The following EMX1 variants were observed in gnomAD, a reference collection of about 807,000 sequenced individuals.
EMX1 encodes empty spiracles homeobox 1, also known as homeobox protein EMX1.
A neutral mutation model predicts 20.1 loss-of-function variants in EMX1; 10 were observed. The ratio of observed to expected loss-of-function variants is 0.50; its 90% CI spans 0.31 to 0.84. The LOEUF is 0.84. EMX1 is among the 40% of genes least tolerant of loss of function. EMX1 has a pLI of 0.05. For synonymous variants in EMX1, 250 were observed against 200.4 expected (o/e 1.25, Z -2.09); for missense variants, 424 against 431.9 (o/e 0.98, Z 0.16).
At chr2:72,929,439 G>A (rs762877282) in intron 2 of EMX1, among the ~76,000 whole-genome samples, 7 of 152,202 alleles carry the variant, frequency 4.6e-5, no homozygotes, top group Non-Finnish European at 7.3e-5. Flanking sequence ...TGAGGTGAAG[G>A]TTGAACTTAG....
rs577424034 is a variant in EMX1, at chr2:72,931,840, G to A, written c.706-1947G>A. On this transcript the variant is annotated intron_variant, in intron 2 of 2. Transcript: ENST00000258106. ...GAATGCCAGCTGCCCCCATCCCCAT[G>A]CCAGTGCTCTAAAATCAGTGCTCTC... Among the ~76,000 whole-genome samples, 6 of 152,348 alleles carry A rather than the reference G, an allele frequency of 3.9e-5. No homozygotes were observed. In the South Asian group the frequency reaches 1.2e-3, roughly 32 times the overall value.
upstream of EMX1, chr2:72,916,520 T>C (rs1670964705): frequency 8.4e-6 from 5 of 597,724 alleles, no homozygotes; most frequent in South Asian, 2.0e-5. Context: ...GAGTCCCGGC[T>C]CTCACAGCCT....
At chr2:72,925,982 TAATAA>T (rs1281389911) in intron 2 of EMX1, 4 of 985,214 alleles carry the variant, frequency 4.1e-6, no homozygotes, top group South Asian at 4.7e-5. Flanking sequence ...AAAAATAAGT[TAATAA>T]AATAACACTC....
chr2:72,923,758 T>G (rs1281067314), intron 1 of EMX1: 2 of 186,370 alleles, frequency 1.1e-5, no homozygotes, highest in Non-Finnish European at 2.3e-5. Context: ...CTTCTAGTTC[T>G]TGAATCTGTG....
At chr2:72,925,096 C>G (rs1300849872) in intron 2 of EMX1, among the ~76,000 whole-genome samples, 7 of 152,180 alleles carry the variant, frequency 4.6e-5, no homozygotes, top group Admixed American at 1.3e-4. Flanking sequence ...TCTGATCCGG[C>G]CCAGGCCGGC....
intron 2 of EMX1, among the ~76,000 whole-genome samples, chr2:72,928,533 G>A (rs1671239161): frequency 6.6e-6 from 1 of 152,140 alleles, no homozygotes; most frequent in Non-Finnish European, 1.5e-5. Context: ...TAGTTTTAGG[G>A]GGAGTGAGAG....
intron 2 of EMX1, chr2:72,926,460 A>G (rs1263929604): frequency 6.0e-6 from 2 of 335,628 alleles, no homozygotes; most frequent in Non-Finnish European, 8.5e-6. Flanking sequence ...ATGGTACAAC[A>G]AAAAGAATGA....
At chr2:72,928,569 T>A (rs1671239882) in intron 2 of EMX1, among the ~76,000 whole-genome samples, 1 of 152,194 alleles carries the variant, frequency 6.6e-6, no homozygotes, top group African/African-American at 2.4e-5. Context: ...TCCAGGCTGA[T>A]CAACTGGTCA....
intron 1 of EMX1, among the ~76,000 whole-genome samples, chr2:72,922,976 T>G (rs1167673997): frequency 6.6e-6 from 1 of 152,224 alleles, no homozygotes; most frequent in African/African-American, 2.4e-5. Flanking sequence ...TTTTGGTGCA[T>G]CAGGAGGCTG....
chr2:72,919,324 A>T lies in EMX1; in HGVS notation c.520+952A>T, dbSNP rs553619261. Among the ~76,000 whole-genome samples the T allele has an allele frequency of 4.7e-3, 711 of 149,824 alleles. 7 individuals are homozygous for T. The highest frequency in any genetic ancestry group is 0.016 in the African/African-American group (662 of 40,658). ...TTGTTTTTTTCTTTTCTTTTTTTTT[A>T]AATTTTATTTTAAAGAGTGGCCTTG... On this transcript the variant is annotated intron_variant, in intron 1 of 2. Transcript: ENST00000258106.
chr2:72,924,607 A>C, intron 2 of EMX1, 114 bp downstream of exon 2: 5 of 1,269,016 alleles, frequency 3.9e-6, no homozygotes, highest in Non-Finnish European at 5.3e-6. Flanking sequence ...TGGGTTCCAA[A>C]AGGCCCCCAT....
chr2:72,916,549 G>A, upstream of EMX1: 1 of 612,198 alleles, frequency 1.6e-6, no homozygotes, highest in East Asian at 2.7e-5. Context: ...AACTGCCCCC[G>A]GGGAATTCGT....
At position 72,917,926 on chromosome 2, in the gene EMX1, C is replaced by G; in HGVS notation, c.74C>G (p.Pro25Arg). 2 of 1,485,432 alleles carry G rather than the reference C, an allele frequency of 1.3e-6. No individual in the cohort carries two copies. Among genetic ancestry groups the G allele is most frequent in the Non-Finnish European group, 8.9e-7 (1 of 1,125,592 alleles). 92.0% of individuals were successfully genotyped at this position (1,485,432 alleles called of 1,614,324 possible). A position where few individuals can be genotyped will look rare whatever the true frequency, so the allele number is the denominator to read the frequency against. The change falls in exon 1 of 3, where the codon CCT (proline) becomes CGT (arginine). Residue 25 changes from proline to arginine, a missense_variant. Physicochemically the swap from Pro to Arg is moderately radical, Grantham distance 103. This residue lies in a region of EMX1 where 333 missense variants were observed against 296.6 expected (regional missense o/e 1.12). Coordinates refer to ENST00000258106, the MANE Select transcript of EMX1 (RefSeq NM_004097.3). Reference sequence around the variant, plus strand: ...GGAGCGCTCCCCAGAGCCCGGCTGCCTCGCACAGCTCCCGCGGCTGCGACC... The same window carrying G: ...GGAGCGCTCCCCAGAGCCCGGCTGCGTCGCACAGCTCCCGCGGCTGCGACC... ...GRGALPRARL[P>R]RTAPAAATMF...
rs1671266774 is a variant in EMX1, at chr2:72,930,691, T to C, written c.706-3096T>C. 6.6e-6 allele frequency among the ~76,000 whole-genome samples: 1 copy of C among 152,182 alleles called. No individual in the cohort carries two copies. On this transcript the variant is annotated intron_variant, in intron 2 of 2. Transcript: ENST00000258106. This position sits in a 1 kb window ranked among gnomAD's most constrained non-coding sequence, Gnocchi z 4.4. ...ACCCAGCTCCTTTCCAGGGCCTGTTTTCTCTAGGGAAGGGGCTCTGAAGGA... is the reference window on the plus strand; with the variant it reads ...ACCCAGCTCCTTTCCAGGGCCTGTTCTCTCTAGGGAAGGGGCTCTGAAGGA...
chr2:72,916,366 C>G (rs1670961613), upstream of EMX1: 1 of 390,470 alleles, frequency 2.6e-6, no homozygotes, highest in Non-Finnish European at 4.7e-6. Context: ...CCGGCAGCGG[C>G]GAGGAAGCGG....
intron 1 of EMX1, among the ~76,000 whole-genome samples, chr2:72,921,186 TC>T (rs1200981615): frequency 6.6e-6 from 1 of 152,190 alleles, no homozygotes; most frequent in Non-Finnish European, 1.5e-5. Flanking sequence ...TTGTGCTAGT[TC>T]CCAGCCATTG....
Position 72,918,125 on chromosome 2 carries a change from C to G in EMX1, c.273C>G (p.Ala91=). The part of the protein sequence containing the change: ...TALNYPHPSA[A]EAAFVSGFPA... ...TCAACTACCCTCACCCCAGCGCGGC[C>G]GAGGCGGCCTTCGTGAGTGGCTTCC... Residue 91 remains alanine (A), a synonymous_variant, in exon 1 of 3, where the codon GCC becomes GCG. Transcript: ENST00000258106. The G allele has an allele frequency of 1.3e-6, 2 of 1,484,520 alleles. No individual in the cohort carries two copies. Among genetic ancestry groups the G allele is most frequent in the African/African-American group, 1.5e-5 (1 of 68,272 alleles). The allele number at this position is 1,484,520 out of a possible 1,614,324, so 92.0% of individuals were successfully genotyped here.
At chr2:72,928,169 G>A (rs1352080076) in intron 2 of EMX1, among the ~76,000 whole-genome samples, 1 of 152,210 alleles carries the variant, frequency 6.6e-6, no homozygotes, top group Non-Finnish European at 1.5e-5. Flanking sequence ...TGAGGGAAGA[G>A]CCCTGGGCAA....
intron 1 of EMX1, among the ~76,000 whole-genome samples, chr2:72,919,127 C>T (rs1671054075): frequency 1.3e-5 from 2 of 151,692 alleles, no homozygotes; most frequent in Admixed American, 1.3e-4. Flanking sequence ...CAGTCCGAAC[C>T]CCGGAGTTTG....
Sources: allele counts gnomAD v4.1 joint callset (sites outside exome capture counted in the v4.1 genomes callset), GRCh38; gene constraint gnomAD v4.1.1; regional missense constraint gnomAD v4.1.1; non-coding constraint Gnocchi (gnomAD v3.1); transcripts MANE v1.5; gene names NCBI Gene and HGNC (gene_info 2026-07-23, HGNC 2026-07-21).